STMN1: variants seen among roughly 807,000 people sequenced by gnomAD.
The protein encoded by STMN1 is stathmin.
STMN1 carries 3 observed loss-of-function variants against 19.7 expected under a neutral mutation model. The observed-to-expected ratio is 0.15, with a 90% CI of 0.07 to 0.39. STMN1 has a LOEUF of 0.39. Ranked by LOEUF, STMN1 falls within the 10% of genes least tolerant of loss-of-function variation. The pLI, the probability that STMN1 is intolerant of heterozygous loss-of-function variation, is 1.00. For synonymous variants in STMN1, 59 were observed against 58.9 expected (o/e 1.00, Z -0.01); for missense variants, 99 against 176.0 (o/e 0.56, Z 2.48).
At chr1:25,905,151 TTGTC>T (rs2048923744) in intron 1 of STMN1, 1 of 154,820 alleles carries the variant, frequency 6.5e-6, no homozygotes, top group African/African-American at 2.4e-5. Context: ...CACCCCTGCT[TTGTC>T]TGTGTCTGAC....
At chr1:25,905,658 G>T (rs1158032271) in intron 1 of STMN1, among the ~76,000 whole-genome samples, 2 of 152,124 alleles carry the variant, frequency 1.3e-5, no homozygotes. Flanking sequence ...CGGGGCTAAC[G>T]GTCCAATCCG....
chr1:25,905,669 G>C (rs1039568394), intron 1 of STMN1, among the ~76,000 whole-genome samples: 2 of 152,166 alleles, frequency 1.3e-5, no homozygotes, highest in Admixed American at 6.5e-5. Flanking sequence ...GTCCAATCCG[G>C]GTAACTCCGC....
downstream of STMN1, among the ~76,000 whole-genome samples, chr1:25,897,692 G>A (rs1434961414): frequency 1.3e-5 from 2 of 152,200 alleles, no homozygotes; most frequent in Non-Finnish European, 2.9e-5. Flanking sequence ...GGGATGCTGA[G>A]CTGTCAGAGC....
intron 4 of STMN1, chr1:25,887,525 G>T: frequency 3.3e-6 from 1 of 302,054 alleles, no homozygotes; most frequent in Non-Finnish European, 6.6e-6. Flanking sequence ...GGAGCTGTCT[G>T]GACATCTGGG....
At chr1:25,892,106 T>C (rs1381792196) in intron 4 of STMN1, among the ~76,000 whole-genome samples, 2 of 152,198 alleles carry the variant, frequency 1.3e-5, no homozygotes, top group Admixed American at 6.5e-5. Context: ...AAAAATAAAT[T>C]AGGCCAGGTG....
chr1:25,906,456 A>C (rs2048953560), upstream of STMN1: 1 of 153,962 alleles, frequency 6.5e-6, no homozygotes. The surrounding 1 kb of genome is among the most constrained non-coding windows in gnomAD (Gnocchi z 4.5). Context: ...AAAAGCGCCA[A>C]ACAGAGGCAC....
At chr1:25,887,590 G>C (rs988718700) in intron 4 of STMN1, 2 of 237,076 alleles carry the variant, frequency 8.4e-6, no homozygotes, top group East Asian at 2.1e-4. Flanking sequence ...TGGAAGAAAA[G>C]GAAGAAAATG....
At chr1:25,885,833 C>T (rs1402527587) in exon 5 of STMN1, 5 of 1,551,420 alleles carry the variant, frequency 3.2e-6, no homozygotes, top group Non-Finnish European at 3.5e-6. Context: ...GAGATCTGTG[C>T]TGGGTGGGCC....
chr1:25,888,570 T>C (rs1419870731), intron 4 of STMN1, among the ~76,000 whole-genome samples: 1 of 152,084 alleles, frequency 6.6e-6, no homozygotes, highest in South Asian at 2.1e-4. Context: ...ACGTCCCTCC[T>C]CCAAAAATCT....
downstream of STMN1, among the ~76,000 whole-genome samples, chr1:25,897,311 GA>G (rs745773752): frequency 2.3e-3 from 216 of 94,124 alleles, no homozygotes; most frequent in African/African-American, 5.4e-3. Context: ...AGACTGTCTC[GA>G]AAAAAAAAAA....
chr1:25,896,361 C>G (rs1157847976), downstream of STMN1, among the ~76,000 whole-genome samples: 1 of 152,164 alleles, frequency 6.6e-6, no homozygotes, highest in East Asian at 1.9e-4. Flanking sequence ...ATGGGGACTT[C>G]CCCATCCCAG....
intron 4 of STMN1, among the ~76,000 whole-genome samples, chr1:25,886,579 CT>C (rs34974254): frequency 2.8e-3 from 262 of 94,370 alleles, no homozygotes; most frequent in African/African-American, 7.9e-3. Flanking sequence ...ACCCCCACCA[CT>C]TTTTTTTTTT....
At chr1:25,895,016 A>C (rs548989287) in intron 4 of STMN1, among the ~76,000 whole-genome samples, 15 of 151,206 alleles carry the variant, frequency 9.9e-5, no homozygotes, top group African/African-American at 3.6e-4. Flanking sequence ...GACTGGGCTT[A>C]GAGGTACAGT....
chr1:25,885,753 A>G, exon 5 of STMN1: 1 of 1,551,546 alleles, frequency 6.4e-7, no homozygotes, highest in Non-Finnish European at 8.7e-7. Flanking sequence ...CAGACCAGGT[A>G]ATCAATGCAG....
downstream of STMN1, among the ~76,000 whole-genome samples, chr1:25,898,032 C>T (rs906082577): frequency 2.0e-5 from 3 of 152,130 alleles, no homozygotes; most frequent in South Asian, 2.1e-4. Flanking sequence ...GTAGCCTGAA[C>T]GGCAGCCACT....
chr1:25,901,913 G>A, intron 3 of STMN1: 1 of 315,526 alleles, frequency 3.2e-6, no homozygotes. Flanking sequence ...GGGAGGCTGA[G>A]GCAGAAGAAT....
chr1:25,897,382 A>G (rs1483604135), downstream of STMN1, among the ~76,000 whole-genome samples: 1 of 152,156 alleles, frequency 6.6e-6, no homozygotes, highest in African/African-American at 2.4e-5. Context: ...CACATTTAAC[A>G]GTGATTCAAA....
chr1:25,894,997 G>A (rs2048805967), intron 4 of STMN1, among the ~76,000 whole-genome samples: 1 of 152,006 alleles, frequency 6.6e-6, no homozygotes, highest in Non-Finnish European at 1.5e-5. Flanking sequence ...GTGCCAGCAA[G>A]TGTTTGGTGA....
intron 4 of STMN1, among the ~76,000 whole-genome samples, chr1:25,889,754 C>G (rs1361454419): frequency 6.6e-6 from 1 of 152,192 alleles, no homozygotes; most frequent in Non-Finnish European, 1.5e-5. Context: ...CTGCATCATG[C>G]AGACTATAAC....
Sources: allele counts gnomAD v4.1 joint callset (sites outside exome capture counted in the v4.1 genomes callset), GRCh38; gene constraint gnomAD v4.1.1; non-coding constraint Gnocchi (gnomAD v3.1); transcripts MANE v1.5; gene names NCBI Gene and HGNC (gene_info 2026-07-23, HGNC 2026-07-21).